RBFOX1: variants seen among roughly 807,000 people sequenced by gnomAD.
RBFOX1 encodes RNA binding protein fox-1 homolog 1.
In RBFOX1, 8 loss-of-function variants were observed where a neutral mutation model predicts 57.7. The ratio of observed to expected loss-of-function variants is 0.14; its 90% confidence interval spans 0.08 to 0.25. RBFOX1 has a LOEUF of 0.25. Among genes scored for constraint, RBFOX1 ranks in the 10% least tolerant of loss-of-function variants. The pLI, the probability that RBFOX1 is intolerant of heterozygous loss-of-function variation, is 1.00. For synonymous variants in RBFOX1, 326 were observed against 222.4 expected (o/e 1.47, Z -4.15); for missense variants, 611 against 548.5 (o/e 1.11, Z -1.14).
intron 1 of RBFOX1, among the ~76,000 whole-genome samples, chr16:6,254,179 A>G (rs1439619318): frequency 1.3e-5 from 2 of 151,964 alleles, no homozygotes; most frequent in African/African-American, 4.8e-5. Flanking sequence ...TCGAATATCT[A>G]CTCTGTAAGT....
At chr16:5,956,656 A>ATT (rs201033274) in intron 4 of RBFOX1, among the ~76,000 whole-genome samples, 20 of 78,922 alleles carry the variant, frequency 2.5e-4, no homozygotes, top group South Asian at 2.3e-3. Context: ...ATATATATAT[A>ATT]TTTATATATA....
chr16:7,399,447 C>CAAAT (rs1173580173), intron 4 of RBFOX1, among the ~76,000 whole-genome samples: 1 of 152,016 alleles, frequency 6.6e-6, no homozygotes. Flanking sequence ...AACTCTGTCT[C>CAAAT]AAATAAATAA....
intron 4 of RBFOX1, among the ~76,000 whole-genome samples, chr16:5,938,977 G>C (rs183643097): frequency 6.6e-6 from 1 of 152,242 alleles, no homozygotes; most frequent in East Asian, 1.9e-4. Context: ...ATCATTATCA[G>C]CAAACTATCG....
intron 3 of RBFOX1, among the ~76,000 whole-genome samples, chr16:6,966,240 C>A (rs772272765): frequency 6.6e-6 from 1 of 152,122 alleles, no homozygotes; most frequent in African/African-American, 2.4e-5. Context: ...AGGGCCACAT[C>A]CAGGGCCAAG....
At chr16:5,250,911 G>A (rs1402234109) in intron 1 of RBFOX1, among the ~76,000 whole-genome samples, 1 of 152,200 alleles carries the variant, frequency 6.6e-6, no homozygotes, top group East Asian at 1.9e-4. Context: ...CTGGATCAGA[G>A]GGGGATCTGT....
At chr16:7,051,313 C>T (rs909729533) in intron 3 of RBFOX1, among the ~76,000 whole-genome samples, 4 of 152,208 alleles carry the variant, frequency 2.6e-5, no homozygotes, top group Admixed American at 6.5e-5. Context: ...CGACTCCACC[C>T]ATCCCCTTAA....
intron 4 of RBFOX1, among the ~76,000 whole-genome samples, chr16:7,075,002 G>A (rs1045283606): frequency 2.6e-5 from 4 of 151,950 alleles, no homozygotes; most frequent in African/African-American, 9.7e-5. Context: ...CAAAGGGTGA[G>A]AATTAAAGAA....
In RBFOX1 at chr16:7,110,137, G is replaced by A. The variant is rs1010388694; in HGVS notation, c.27+58039G>A. 9.3e-5 allele frequency among the ~76,000 whole-genome samples: 14 copies of A among 150,200 alleles called. 1 individual carries two copies. The highest frequency in any genetic ancestry group is 2.5e-5 in the African/African-American group (1 of 40,684). ...GGCTTTGGAAGGAGGATTGTTTGAG[G>A]CCAGGAGTGTGAGACCAGCCTGGGC... On this transcript the variant is annotated intron_variant, in intron 4 of 15. Transcript: ENST00000550418.
intron 4 of RBFOX1, among the ~76,000 whole-genome samples, chr16:7,193,777 G>C (rs2086012803): frequency 6.6e-6 from 1 of 152,150 alleles, no homozygotes; most frequent in Non-Finnish European, 1.5e-5. Flanking sequence ...ATTAGTACTA[G>C]ACTCTAGCAC....
At chr16:7,152,958 C>T (rs1041209350) in intron 4 of RBFOX1, among the ~76,000 whole-genome samples, 12 of 152,140 alleles carry the variant, frequency 7.9e-5, no homozygotes, top group African/African-American at 2.9e-4. Flanking sequence ...AAGGAGTGGC[C>T]ATTGCTGGTG....
chr16:6,419,530 G>A (rs17530359), intron 2 of RBFOX1, among the ~76,000 whole-genome samples: 1,835 of 152,226 alleles, frequency 0.012, 17 homozygotes, highest in Middle Eastern at 0.02. Context: ...CCAAATTTCC[G>A]GAACCAGATT....
At chr16:5,877,837 C>T (rs2057653669) in intron 4 of RBFOX1, among the ~76,000 whole-genome samples, 1 of 152,188 alleles carries the variant, frequency 6.6e-6, no homozygotes, top group Non-Finnish European at 1.5e-5. Flanking sequence ...ATGGCAAGGG[C>T]AGTAAGTCCT....
intron 4 of RBFOX1, among the ~76,000 whole-genome samples, chr16:7,267,583 G>C (rs900839690): frequency 6.6e-6 from 1 of 150,982 alleles, no homozygotes; most frequent in Non-Finnish European, 1.5e-5. Context: ...AGCCGAGCAC[G>C]ATGGCTCATG....
chr16:5,902,023 T>C (rs2058316065), intron 4 of RBFOX1, among the ~76,000 whole-genome samples: 1 of 152,228 alleles, frequency 6.6e-6, no homozygotes, highest in Admixed American at 6.5e-5. Context: ...CAGTTATTCA[T>C]GTCATAGTAC....
chr16:6,576,558 T>G (rs908429610), intron 2 of RBFOX1, among the ~76,000 whole-genome samples: 6 of 152,172 alleles, frequency 3.9e-5, no homozygotes, highest in Non-Finnish European at 7.3e-5. Context: ...CCTATTTTCT[T>G]TCTTAGGTAT....
At chr16:6,940,879 G>GTT (rs557358282) in intron 3 of RBFOX1, among the ~76,000 whole-genome samples, 24,604 of 138,498 alleles carry the variant, frequency 0.18, 2,756 homozygotes, top group East Asian at 0.28. Context: ...GTGTGTGTGT[G>GTT]TGTGTGTGTG....
intron 3 of RBFOX1, chr16:6,704,259 A>G (rs1254883687): frequency 6.6e-6 from 1 of 152,244 alleles, no homozygotes; most frequent in African/African-American, 2.4e-5. Context: ...TGCAAATTGA[A>G]CAGCCAGTCC....
chr16:6,843,676 G>A (rs1236404678), intron 3 of RBFOX1, among the ~76,000 whole-genome samples: 1 of 152,156 alleles, frequency 6.6e-6, no homozygotes, highest in Admixed American at 6.6e-5. Flanking sequence ...GTGACAGAGC[G>A]AGACTCCATC....
chr16:6,145,349 C>T (rs1244131728), intron 1 of RBFOX1, among the ~76,000 whole-genome samples: 1 of 152,112 alleles, frequency 6.6e-6, no homozygotes, highest in Non-Finnish European at 1.5e-5. Flanking sequence ...ATCCATGTCC[C>T]TGCAAAAGAC....
Sources: allele counts gnomAD v4.1 joint callset (sites outside exome capture counted in the v4.1 genomes callset), GRCh38; gene constraint gnomAD v4.1.1; transcripts MANE v1.5; gene names NCBI Gene and HGNC (gene_info 2026-07-23, HGNC 2026-07-21).